The following MRAP2 variants were observed in gnomAD, a reference collection of about 807,000 sequenced individuals.
MRAP2 encodes melanocortin 2 receptor accessory protein 2.
Under a neutral mutation model 17.4 loss-of-function variants are expected in MRAP2, and 20 were observed. The ratio of observed to expected loss-of-function variants is 1.15; its 90% confidence interval spans 0.81 to 1.67. MRAP2 has a LOEUF of 1.67. Among genes scored for constraint, MRAP2 ranks in the 40% most tolerant of loss-of-function variants. MRAP2 has a pLI of 0.00. For missense variants in MRAP2, 238 were observed against 240.0 expected (o/e 0.99, Z 0.05); for synonymous variants, 96 against 88.4 (o/e 1.09, Z -0.48).
chr6:84,063,328 C>T, intron 3 of MRAP2: 1 of 984,956 alleles, frequency 1.0e-6, no homozygotes, highest in Non-Finnish European at 1.2e-6. Flanking sequence ...TTAGATGATT[C>T]ACCATATTAA....
At chr6:84,074,873 AT>A (rs545020753) in intron 3 of MRAP2, among the ~76,000 whole-genome samples, 37 of 152,114 alleles carry the variant, frequency 2.4e-4, no homozygotes, top group Non-Finnish European at 3.2e-4. Flanking sequence ...TAAAATGGGT[AT>A]TTTTTTCCCC....
chr6:84,102,357 G>A, the MRAP2 span, among the ~76,000 whole-genome samples: 1 of 152,192 alleles, frequency 6.6e-6, no homozygotes, highest in Admixed American at 6.5e-5. Flanking sequence ...AATCACATGA[G>A]TGGGGCATAA....
At chr6:84,044,601 G>T (rs2099488498) in intron 1 of MRAP2, among the ~76,000 whole-genome samples, 1 of 152,208 alleles carries the variant, frequency 6.6e-6, no homozygotes, top group African/African-American at 2.4e-5. Context: ...TCTTCACACA[G>T]TTGTCCCTCT....
intron 3 of MRAP2, among the ~76,000 whole-genome samples, chr6:84,064,114 A>G (rs936389758): frequency 3.3e-5 from 5 of 151,602 alleles, no homozygotes; most frequent in Non-Finnish European, 7.4e-5. Context: ...GAAGAGGGCA[A>G]CTACGCAGGC....
In MRAP2 at chr6:84,089,655, G is replaced by T; in HGVS notation, c.*174G>T. On this transcript the variant is annotated 3_prime_UTR_variant, in exon 4 of 4. Coordinates refer to ENST00000257776, the MANE Select transcript of MRAP2 (RefSeq NM_138409.4). ...AGAGCTGAGCTGATTAAGCTGAGTG[G>T]TTTTTTGTTTTGTTTTGTTTTTGCT... 1.4e-6 allele frequency: 1 copy of T among 721,638 alleles called. No individual in the cohort carries two copies. The highest frequency in any genetic ancestry group is 2.7e-5 in the South Asian group (1 of 36,704). 44.7% of individuals were successfully genotyped at this position (721,638 alleles called of 1,614,324 possible).
intron 3 of MRAP2, chr6:84,063,347 G>A: frequency 1.0e-6 from 1 of 985,252 alleles, no homozygotes; most frequent in Non-Finnish European, 1.2e-6. Flanking sequence ...AAAAACAGTG[G>A]AAAAGACAAT....
the MRAP2 span, among the ~76,000 whole-genome samples, chr6:84,105,770 C>A: frequency 6.6e-6 from 1 of 152,040 alleles, no homozygotes; most frequent in Admixed American, 6.6e-5. Flanking sequence ...GCATGAGGAG[C>A]CCAAAGTAGC....
At position 84,062,955 on chromosome 6, in the gene MRAP2, C is replaced by T. The variant is rs1465648149; in HGVS notation, c.190C>T (p.Leu64=). ...AVFVIFMFFV[L]TLLTKTGAPH... ...CTTCGTGATTTTTATGTTTTTTGTG[C>T]TGACCTTGCTGACCAAGACAGGAGC... Residue 64 remains leucine, a synonymous_variant, in exon 3 of 4, where the codon CTG becomes TTG. Transcript: ENST00000257776. 3 of 1,613,996 alleles carry T rather than the reference C, an allele frequency of 1.9e-6. No individual in the cohort carries two copies. In the African/African-American group the frequency reaches 4.0e-5, roughly 22 times the overall value.
In MRAP2 at chr6:84,090,134, TCTAATATTTTGTGAATTTATGA is replaced by T. The variant is rs989431155; in HGVS notation, c.*656_*677del. 1.3e-5 allele frequency: 2 copies of T among 152,396 alleles called. No homozygotes were observed. The highest frequency in any genetic ancestry group is 4.8e-5 in the African/African-American group (2 of 41,458). The allele number at this position is 152,396 out of a possible 1,614,324, so 9.4% of individuals were successfully genotyped here. A position where few individuals can be genotyped will look rare whatever the true frequency, so the allele number is the denominator to read the frequency against. On this transcript the variant is annotated 3_prime_UTR_variant, in exon 4 of 4. Transcript: ENST00000257776. The stretch of plus-strand genomic sequence containing the variant: ...CAGGTCTAGAGTGATCCATCCCACC[TCTAATATTTTGTGAATTTATGA>T]CTTTGCCTTCAGATGAGGCTGAGCT...
the MRAP2 span, among the ~76,000 whole-genome samples, chr6:84,115,632 A>T: frequency 7.9e-5 from 12 of 152,156 alleles, no homozygotes; most frequent in Non-Finnish European, 1.2e-4. Flanking sequence ...TGGAAAAAAA[A>T]ACACTCCTGC....
chr6:84,036,436 G>GTT (rs1437211572), intron 1 of MRAP2, among the ~76,000 whole-genome samples: 2 of 152,060 alleles, frequency 1.3e-5, no homozygotes, highest in African/African-American at 4.8e-5. Context: ...TGCGGTGAGT[G>GTT]TTAACAGTTC....
intron 3 of MRAP2, among the ~76,000 whole-genome samples, chr6:84,079,663 G>C (rs1018148482): frequency 1.3e-5 from 2 of 152,100 alleles, no homozygotes; most frequent in Non-Finnish European, 2.9e-5. Flanking sequence ...GAAAGAAAAT[G>C]ATATTTATTT....
chr6:84,124,435 G>A, the MRAP2 span: 1 of 152,364 alleles, frequency 6.6e-6, no homozygotes, highest in Non-Finnish European at 1.5e-5. Context: ...AACATGGATA[G>A]AGCTGGAGGC....
At chr6:84,144,825 CTTAGAGCAAT>C in the MRAP2 span, among the ~76,000 whole-genome samples, 3 of 152,102 alleles carry the variant, frequency 2.0e-5, no homozygotes, top group Admixed American at 6.6e-5. Context: ...CTATCCATAG[CTTAGAGCAAT>C]TTGGTAAATT....
chr6:84,067,051 C>A (rs547108747), intron 3 of MRAP2, among the ~76,000 whole-genome samples: 11 of 152,076 alleles, frequency 7.2e-5, no homozygotes, highest in African/African-American at 2.7e-4. Flanking sequence ...CTCGTCACCC[C>A]CAAGCCCCCA....
chr6:84,039,138 T>A (rs1411703377), intron 1 of MRAP2, among the ~76,000 whole-genome samples: 1 of 152,092 alleles, frequency 6.6e-6, no homozygotes, highest in Non-Finnish European at 1.5e-5. Flanking sequence ...TCAAATAAAA[T>A]CACAATAAAT....
intron 3 of MRAP2, among the ~76,000 whole-genome samples, chr6:84,071,772 G>A (rs2480194): frequency 0.32 from 48,699 of 151,804 alleles, 10,400 homozygotes; most frequent in African/African-American, 0.62. Flanking sequence ...GGCTTCTTTC[G>A]TATTTTCTTA....
chr6:84,137,178 CTG>C, the MRAP2 span, among the ~76,000 whole-genome samples: 2 of 152,222 alleles, frequency 1.3e-5, no homozygotes, highest in Non-Finnish European at 2.9e-5. Flanking sequence ...ATATGAACTG[CTG>C]TGAGAATGAC....
intron 3 of MRAP2, among the ~76,000 whole-genome samples, chr6:84,077,409 G>C (rs186169626): frequency 2.0e-5 from 3 of 152,316 alleles, no homozygotes; most frequent in Admixed American, 2.0e-4. Flanking sequence ...CACATCCTTC[G>C]TGGCTAGACT....
Sources: allele counts gnomAD v4.1 joint callset (sites outside exome capture counted in the v4.1 genomes callset), GRCh38; gene constraint gnomAD v4.1.1; transcripts MANE v1.5; gene names NCBI Gene and HGNC (gene_info 2026-07-23, HGNC 2026-07-21).